The following GRM8 variants were observed in gnomAD, a reference collection of about 807,000 sequenced individuals.
The protein encoded by GRM8 is glutamate metabotropic receptor 8.
Under a neutral mutation model 87.2 loss-of-function variants are expected in GRM8, and 47 were observed. The ratio of observed to expected loss-of-function variants is 0.54; its 90% CI spans 0.43 to 0.69. The LOEUF (loss-of-function observed/expected upper bound fraction) is 0.69. Among genes scored for constraint, GRM8 ranks in the 30% least tolerant of loss-of-function variants. The pLI is 0.00. For synonymous variants in GRM8, 396 were observed against 404.5 expected (o/e 0.98, Z 0.25); for missense variants, 1,019 against 1,139.2 (o/e 0.89, Z 1.52).
Position 126,904,015 on chromosome 7 carries a change from T to G in GRM8, c.975A>C (p.Ala325=). 4 of 1,572,958 alleles carry G rather than the reference T, an allele frequency of 2.5e-6. No homozygotes were observed. ...IAPVYQQEEI[A]EGAVTILPKR... is the part of the protein sequence containing the mutation. ...TGGGCAAAATTGTCACAGCCCCTTC[T>G]GCAATCTCCTCTTGCTGATAGACAG... Residue 325 remains alanine, a synonymous_variant, in exon 5 of 11, where the codon GCA becomes GCC. Coordinates refer to ENST00000339582, the MANE Select transcript of GRM8 (RefSeq NM_000845.3).
rs150265398 is a variant in GRM8 at position 126,947,761 on chromosome 7, A to G, written c.728-43078T>C. On this transcript the variant is annotated intron_variant, in intron 3 of 10. Transcript: ENST00000339582. ...ATTTCAGTGTCCTTTCTCTCAGTCG[A>G]AATCACTCACTTCAAAAACTTGGAC... Among the ~76,000 whole-genome samples, 332 of 152,240 alleles carry G rather than the reference A, an allele frequency of 2.2e-3. 3 individuals carry two copies. The highest frequency in any genetic ancestry group is 7.7e-3 in the African/African-American group (321 of 41,536).
chr7:126,716,628 C>A (rs559436511), intron 7 of GRM8, among the ~76,000 whole-genome samples: 1 of 152,204 alleles, frequency 6.6e-6, no homozygotes, highest in East Asian at 1.9e-4. Context: ...CTCTTTTGTC[C>A]AAAACTTCTA....
intron 8 of GRM8, among the ~76,000 whole-genome samples, chr7:126,583,283 G>C (rs1250293243): frequency 2.6e-5 from 4 of 152,030 alleles, no homozygotes; most frequent in African/African-American, 9.7e-5. Context: ...TTGAACCCGG[G>C]AAAGGAGGTT....
intron 7 of GRM8, among the ~76,000 whole-genome samples, chr7:126,724,483 C>T (rs1037776045): frequency 6.6e-6 from 1 of 152,108 alleles, no homozygotes; most frequent in Non-Finnish European, 1.5e-5. Context: ...GGAAAAGTCC[C>T]TCTCAGCCTC....
chr7:126,453,116 C>T (rs906547694), intron 9 of GRM8, among the ~76,000 whole-genome samples: 1 of 147,028 alleles, frequency 6.8e-6, no homozygotes, highest in African/African-American at 2.6e-5. Flanking sequence ...CACACACATA[C>T]AAGCAAAATG....
chr7:126,990,329 A>G (rs10274062), intron 3 of GRM8, among the ~76,000 whole-genome samples: 8,801 of 151,116 alleles, frequency 0.058, 837 homozygotes, highest in African/African-American at 0.2. Flanking sequence ...TTTTGCTTTC[A>G]TGATTAAAAA....
intron 8 of GRM8, among the ~76,000 whole-genome samples, chr7:126,562,291 C>T (rs1371784608): frequency 1.3e-5 from 2 of 152,090 alleles, no homozygotes; most frequent in Non-Finnish European, 2.9e-5. Flanking sequence ...TTACTTGCAT[C>T]AAAGGCATCA....
chr7:127,251,410 G>A (rs1798859870), intron 1 of GRM8, among the ~76,000 whole-genome samples: 1 of 152,014 alleles, frequency 6.6e-6, no homozygotes, highest in Non-Finnish European at 1.5e-5. Flanking sequence ...CGAGCTTTCT[G>A]GCTGGGCGGA....
In GRM8 at chr7:126,439,149, T is replaced by C. The variant is rs953902986; in HGVS notation, c.2697A>G (p.Thr899=). Residue 899 remains threonine, a synonymous_variant, in exon 11 of 11, where the codon ACA becomes ACG. Coordinates refer to ENST00000339582, the MANE Select transcript of GRM8 (RefSeq NM_000845.3). ...TTGAATGATTGCTGTAACTGATATA[T>C]GTTGTCTTGGTAGAGGAAGCTGTTA... ...LETNTSSTKT[T]YISYSNHSI is the part of the protein sequence containing the mutation. 2.6e-6 allele frequency: 4 copies of C among 1,566,898 alleles called. No homozygotes were observed. The highest frequency in any genetic ancestry group is 2.7e-5 in the African/African-American group (2 of 74,016).
At chr7:126,797,114 A>C (rs1041461638) in intron 6 of GRM8, among the ~76,000 whole-genome samples, 8 of 152,128 alleles carry the variant, frequency 5.3e-5, no homozygotes, top group African/African-American at 1.9e-4. Context: ...AATGGTCATT[A>C]AATGTGAAAG....
chr7:127,216,517 C>CAAAAAAAAAAAAAAA (rs58730624), intron 2 of GRM8, among the ~76,000 whole-genome samples: 1 of 62,968 alleles, frequency 1.6e-5, no homozygotes, highest in Non-Finnish European at 3.4e-5. Flanking sequence ...GACTCCGTCT[C>CAAAAAAAAAAAAAAA]AAAAAAAAAA....
At chr7:126,519,585 T>A (rs1221932075) in intron 9 of GRM8, among the ~76,000 whole-genome samples, 1 of 152,040 alleles carries the variant, frequency 6.6e-6, no homozygotes, top group Non-Finnish European at 1.5e-5. Flanking sequence ...AACAGTGCTG[T>A]TAGTATTCAG....
chr7:126,952,964 T>C (rs1388474720), intron 3 of GRM8, among the ~76,000 whole-genome samples: 1 of 152,096 alleles, frequency 6.6e-6, no homozygotes, highest in Non-Finnish European at 1.5e-5. Context: ...ATTATTGGTA[T>C]TATATCAATG....
chr7:127,126,944 G>A (rs969163359), intron 2 of GRM8, among the ~76,000 whole-genome samples: 1 of 151,764 alleles, frequency 6.6e-6, no homozygotes, highest in African/African-American at 2.4e-5. Context: ...ATTCAGAAGA[G>A]AAGATATACA....
intron 2 of GRM8, among the ~76,000 whole-genome samples, chr7:127,240,562 C>A (rs1199858295): frequency 2.0e-5 from 3 of 152,090 alleles, no homozygotes; most frequent in Admixed American, 1.3e-4. Context: ...ACAGGAATTA[C>A]AATGGTATTG....
chr7:126,650,100 CCTAT>C (rs1803639518), intron 7 of GRM8, among the ~76,000 whole-genome samples: 5 of 152,182 alleles, frequency 3.3e-5, no homozygotes, highest in African/African-American at 1.2e-4. Context: ...ACCACGTCTG[CCTAT>C]CACTTGAACT....
intron 9 of GRM8, among the ~76,000 whole-genome samples, chr7:126,513,183 G>A (rs527698932): frequency 6.1e-4 from 92 of 152,034 alleles, no homozygotes; most frequent in Middle Eastern, 3.4e-3. Context: ...AAGAAATAAA[G>A]CTCTTGTTTT....
intron 6 of GRM8, chr7:126,870,209 G>C (rs949038661): frequency 6.6e-6 from 1 of 152,106 alleles, no homozygotes; most frequent in African/African-American, 2.4e-5. Flanking sequence ...AGGGAATTAG[G>C]GTCTTTCTCT....
chr7:127,249,206 A>G (rs559214655), intron 1 of GRM8, among the ~76,000 whole-genome samples: 1 of 152,180 alleles, frequency 6.6e-6, no homozygotes, highest in East Asian at 1.9e-4. Context: ...AGATATTCCT[A>G]CTTCTGTTCA....
Sources: gnomAD v4.1 joint callset for allele counts (sites outside exome capture counted in the v4.1 genomes callset) on GRCh38, gnomAD v4.1.1 for gene constraint, MANE v1.5 for transcripts, NCBI Gene and HGNC (gene_info 2026-07-23, HGNC 2026-07-21) for gene names.